RETREG1: variants seen among roughly 807,000 people sequenced by gnomAD.
RETREG1 encodes reticulophagy regulator 1, also known as family with sequence similarity 134 member B.
Under a neutral mutation model 54.8 loss-of-function variants are expected in RETREG1, and 44 were observed. The observed-to-expected ratio is 0.80, with a 90% CI of 0.63 to 1.03. The LOEUF is 1.03. Ranked by LOEUF, RETREG1 falls within the 50% of genes least tolerant of loss-of-function variation. The pLI is 0.00. For missense variants in RETREG1, 554 were observed against 605.1 expected (o/e 0.92, Z 0.89); for synonymous variants, 217 against 238.5 (o/e 0.91, Z 0.83).
chr5:16,613,276 C>A (rs796610026), intron 1 of RETREG1, among the ~76,000 whole-genome samples: 2 of 152,290 alleles, frequency 1.3e-5, no homozygotes, highest in African/African-American at 4.8e-5. Flanking sequence ...ATTAGGTACA[C>A]CTTCAAGATG....
Position 16,593,887 on chromosome 5 carries a change from G to A in RETREG1, c.321-21785C>T, listed in dbSNP as rs1044989486. Among the ~76,000 whole-genome samples the A allele has an allele frequency of 1.3e-5, 2 of 152,228 alleles. No homozygotes were observed. Among genetic ancestry groups the A allele is most frequent in the African/African-American group, 4.8e-5 (2 of 41,450 alleles). On this transcript the variant is annotated intron_variant, in intron 1 of 8. Coordinates refer to ENST00000306320, the MANE Select transcript of RETREG1 (RefSeq NM_001034850.3). This position sits in a 1 kb window ranked among gnomAD's most constrained non-coding sequence, Gnocchi z 4.9. The stretch of plus-strand genomic sequence containing the variant: ...TCAAATCTAAGCAGCCATGTTTACT[G>A]TGAAAGCCACACCAAATCCGAATAC...
intron 3 of RETREG1, among the ~76,000 whole-genome samples, chr5:16,557,301 A>C (rs1312149517): frequency 6.6e-6 from 1 of 152,154 alleles, no homozygotes; most frequent in Non-Finnish European, 1.5e-5. Flanking sequence ...TTTTTTTTAA[A>C]ACTCATAATT....
intron 3 of RETREG1, among the ~76,000 whole-genome samples, chr5:16,532,557 G>C (rs1285175233): frequency 6.6e-6 from 1 of 152,172 alleles, no homozygotes; most frequent in Non-Finnish European, 1.5e-5. Context: ...CAATTACCTA[G>C]ATGTCACTTT....
chr5:16,496,651 A>G (rs1424429785), intron 3 of RETREG1, among the ~76,000 whole-genome samples: 1 of 152,232 alleles, frequency 6.6e-6, no homozygotes, highest in Non-Finnish European at 1.5e-5. Context: ...GGGTATTTGG[A>G]AACAACCAAC....
rs386403108 is a variant in RETREG1 at position 16,527,800 on chromosome 5, ATTTTTTTTT to A, written c.458+37954_458+37962del. Among the ~76,000 whole-genome samples the A allele has an allele frequency of 1.7e-4, 11 of 66,250 alleles. No homozygotes were observed. In the Admixed American group the frequency reaches 1.9e-3, roughly 11 times the overall value. 43.5% of individuals were successfully genotyped at this position (66,250 alleles called of 152,430 possible). ...CTTAGTACAATTTCGAGGGACTCTA[ATTTTTTTTT>A]TTTTTTTTTTTTTTTTTTGAGATGC... On this transcript the variant is annotated intron_variant, in intron 3 of 8. Transcript: ENST00000306320.
intron 3 of RETREG1, among the ~76,000 whole-genome samples, chr5:16,501,474 G>A (rs756030675): frequency 6.6e-6 from 1 of 152,224 alleles, no homozygotes; most frequent in Non-Finnish European, 1.5e-5. Context: ...TATTTATCAA[G>A]CGACTACGCA....
At chr5:16,564,199 G>A (rs763924188) in intron 3 of RETREG1, among the ~76,000 whole-genome samples, 15 of 152,072 alleles carry the variant, frequency 9.9e-5, no homozygotes, top group Non-Finnish European at 2.1e-4. Flanking sequence ...TATCAGTAAA[G>A]AAAATTATTG....
In RETREG1 at chr5:16,616,798, C is replaced by T; in HGVS notation, c.174G>A (p.Glu58=). 1 of 1,526,868 alleles carries T rather than the reference C, an allele frequency of 6.5e-7. No homozygotes were observed. The highest frequency in any genetic ancestry group is 8.7e-7 in the Non-Finnish European group (1 of 1,143,558). The allele number at this position is 1,526,868 out of a possible 1,614,324, so 94.6% of individuals were successfully genotyped here. The change falls in exon 1 of 9, where the codon GAG becomes GAA. Residue 58 remains glutamate, a synonymous_variant. Coordinates refer to ENST00000306320, the MANE Select transcript of RETREG1 (RefSeq NM_001034850.3). ...GAAEGAGLQV[E]EAAGRAAAAV... ...CGGCCGCCGCCCGGCCCGCGGCCTCCTCCACCTGCAACCCCGCGCCCTCCG... is the reference window on the plus strand; with the variant it reads ...CGGCCGCCGCCCGGCCCGCGGCCTCTTCCACCTGCAACCCCGCGCCCTCCG...
At chr5:16,479,998 G>T (rs551731670) in intron 5 of RETREG1, among the ~76,000 whole-genome samples, 8 of 152,066 alleles carry the variant, frequency 5.3e-5, no homozygotes, top group African/African-American at 1.9e-4. Context: ...TAAAATACAT[G>T]TATTTAAAGT....
At chr5:16,500,770 C>T (rs529508543) in intron 3 of RETREG1, among the ~76,000 whole-genome samples, 1 of 152,098 alleles carries the variant, frequency 6.6e-6, no homozygotes, top group Non-Finnish European at 1.5e-5. Context: ...TCAATGTTCA[C>T]GCGCGTTAAA....
intron 3 of RETREG1, chr5:16,509,072 C>CCA (rs2126564824): frequency 1.0e-6 from 1 of 981,768 alleles, no homozygotes; most frequent in Non-Finnish European, 1.2e-6. Context: ...GACTAGGCAC[C>CCA]CACCTAAGGG....
intron 3 of RETREG1, among the ~76,000 whole-genome samples, chr5:16,489,969 G>T (rs750973304): frequency 6.6e-6 from 1 of 152,070 alleles, no homozygotes; most frequent in African/African-American, 2.4e-5. Context: ...AGTTATTTTT[G>T]AAAGCAAAAA....
At chr5:16,517,086 G>A (rs1391982195) in intron 3 of RETREG1, among the ~76,000 whole-genome samples, 1 of 152,214 alleles carries the variant, frequency 6.6e-6, no homozygotes, top group African/African-American at 2.4e-5. Flanking sequence ...ATAGCTAATA[G>A]GAGTCTTAGA....
At chr5:16,500,063 G>A (rs1245472836) in intron 3 of RETREG1, among the ~76,000 whole-genome samples, 1 of 152,220 alleles carries the variant, frequency 6.6e-6, no homozygotes, top group African/African-American at 2.4e-5. Context: ...TGGCCTGAAA[G>A]ACCATGGGAG....
At chr5:16,616,210 T>C in intron 1 of RETREG1, 1 of 167,962 alleles carries the variant, frequency 6.0e-6, no homozygotes, top group South Asian at 1.6e-4. Flanking sequence ...GACTGATGAA[T>C]GCGGCACCGT....
chr5:16,595,947 C>T (rs78687520), intron 1 of RETREG1, among the ~76,000 whole-genome samples: 1,855 of 152,284 alleles, frequency 0.012, 44 homozygotes, highest in African/African-American at 0.042. Flanking sequence ...TAGTGATTCT[C>T]ACACTAGGGA....
chr5:16,485,279 G>T (rs1193534284), intron 3 of RETREG1, among the ~76,000 whole-genome samples: 1 of 152,080 alleles, frequency 6.6e-6, no homozygotes, highest in Non-Finnish European at 1.5e-5. Flanking sequence ...ATTTAAGGAT[G>T]CATTTGAACT....
chr5:16,500,690 A>T (rs902623774), intron 3 of RETREG1, among the ~76,000 whole-genome samples: 35 of 152,176 alleles, frequency 2.3e-4, no homozygotes, highest in African/African-American at 7.7e-4. Flanking sequence ...TATAAGATGC[A>T]CTGGGCAGAC....
rs1043191156 is a variant in RETREG1 at position 16,580,966 on chromosome 5, C to T, written c.321-8864G>A. Among the ~76,000 whole-genome samples, 2 of 152,330 alleles carry T rather than the reference C, an allele frequency of 1.3e-5. 1 individual carries two copies. The highest frequency in any genetic ancestry group is 1.3e-4 in the Admixed American group (2 of 15,302). On this transcript the variant is annotated intron_variant, in intron 1 of 8. Transcript: ENST00000306320. The stretch of plus-strand genomic sequence containing the variant: ...TGAGAGGCCCGTGCCTAGTCACCCG[C>T]TGAATGCACCACATTGCTGCCAGCC...
Sources: allele counts gnomAD v4.1 joint callset (sites outside exome capture counted in the v4.1 genomes callset), GRCh38; gene constraint gnomAD v4.1.1; non-coding constraint Gnocchi (gnomAD v3.1); transcripts MANE v1.5; gene names NCBI Gene and HGNC (gene_info 2026-07-23, HGNC 2026-07-21).